Variants in DNAH12 observed in about 807,000 individuals in gnomAD.
DNAH12 encodes axonemal beta dynein heavy chain 12.
A neutral mutation model predicts 371.5 loss-of-function variants in DNAH12; 285 were observed. The ratio of observed to expected loss-of-function variants is 0.77; its 90% CI spans 0.70 to 0.85. The LOEUF is 0.85. DNAH12 is among the 40% of genes least tolerant of loss of function. The pLI, the probability that DNAH12 is intolerant of heterozygous loss-of-function variation, is 0.00. For missense variants in DNAH12, 3,611 were observed against 3,689.4 expected (o/e 0.98, Z 0.55); for synonymous variants, 1,200 against 1,213.0 (o/e 0.99, Z 0.22).
Position 57,389,842 on chromosome 3 carries a change from T to TATATATATATATATATATATATATATAAA in DNAH12, c.7305+2029_7305+2030insTTTATATATATATATATATATATATATAT, listed in dbSNP as rs2063578029. Among the ~76,000 whole-genome samples the TATATATATATATATATATATATATATAAA allele has an allele frequency of 4.0e-4, 28 of 70,490 alleles. 1 individual carries two copies. Among genetic ancestry groups the TATATATATATATATATATATATATATAAA allele is most frequent in the Middle Eastern group, 9.3e-3 (1 of 108 alleles). 46.2% of individuals were successfully genotyped at this position (70,490 alleles called of 152,430 possible). A position where few individuals can be genotyped will look rare whatever the true frequency, so the allele number is the denominator to read the frequency against. On this transcript the variant is annotated intron_variant, in intron 45 of 73. Transcript: ENST00000495027. ...TGTGTGTATATATATATATATATAA[T>TATATATATATATATATATATATATATAAA]ACTTTTTTTTTTGAAATGGAGTTTC...
intron 13 of DNAH12, among the ~76,000 whole-genome samples, chr3:57,476,119 A>G (rs2066514472): frequency 2.0e-5 from 3 of 152,344 alleles, no homozygotes; most frequent in East Asian, 3.9e-4. Context: ...GAACAATGAC[A>G]TTACTAACAT....
In DNAH12 at chr3:57,523,857, G is replaced by C. The variant is rs766507870; in HGVS notation, c.198C>G (p.Asp66Glu). 8.7e-6 allele frequency: 14 copies of C among 1,604,848 alleles called. No homozygotes were observed. In the Admixed American group the frequency reaches 1.5e-4, roughly 18 times the overall value. The change falls in exon 3 of 74, where the codon GAC becomes GAG. Residue 66 changes from aspartate (D) to glutamate (E), a missense_variant. Asp to Glu is a conservative substitution (Grantham distance 45). This residue lies in a region of DNAH12 where 1,314 missense variants were observed against 1,398.7 expected (regional missense o/e 0.94). Coordinates refer to ENST00000495027, the MANE Select transcript of DNAH12 (RefSeq NM_001366028.2). Reference protein sequence around the residue: ...LVIDGAKRNLDRTLGKRTPLL... With the variant: ...LVIDGAKRNLERTLGKRTPLL... ...GAGGTGTTCTTTTACCCAGTGTTCT[G>C]TCTAAATTTCTTTTGGCTCCATCAA...
intron 34 of DNAH12, 153 bp downstream of exon 34, chr3:57,428,480 A>G (rs765339743): frequency 1.1e-4 from 164 of 1,534,538 alleles, no homozygotes; most frequent in Non-Finnish European, 1.4e-4. Context: ...TTATGCAGCT[A>G]TAACTTAAGC....
intron 13 of DNAH12, 106 bp downstream of exon 13, chr3:57,483,270 C>T (rs2066812081): frequency 2.2e-6 from 3 of 1,379,446 alleles, no homozygotes; most frequent in Non-Finnish European, 2.9e-6. Context: ...AATATAACCG[C>T]TCAATTTACA....
chr3:57,486,465 A>G (rs1262707923), intron 12 of DNAH12, among the ~76,000 whole-genome samples: 1 of 152,026 alleles, frequency 6.6e-6, no homozygotes, highest in African/African-American at 2.4e-5. Context: ...CTATTACTAG[A>G]AATATCAGGA....
intron 66 of DNAH12, among the ~76,000 whole-genome samples, chr3:57,312,958 T>C (rs1404847665): frequency 6.6e-6 from 1 of 152,248 alleles, no homozygotes; most frequent in Non-Finnish European, 1.5e-5. Context: ...TATGATTAAA[T>C]GCTTATAGCC....
chr3:57,379,839 T>A (rs2063350304), intron 51 of DNAH12, among the ~76,000 whole-genome samples: 1 of 43,408 alleles, frequency 2.3e-5, no homozygotes, highest in African/African-American at 1.4e-4. Flanking sequence ...AGACTCTGTC[T>A]CCCAAAAAAA....
In DNAH12 at chr3:57,468,767, C is replaced by T. The variant is rs759741095; in HGVS notation, c.2318G>A (p.Ser773Asn). The change falls in exon 17 of 74, where the codon AGT (serine) becomes AAT (asparagine). Residue 773 changes from serine to asparagine, a missense_variant. By Grantham distance (46) the Ser-to-Asn change is conservative. Coordinates refer to ENST00000495027, the MANE Select transcript of DNAH12 (RefSeq NM_001366028.2). ...AGCTTTTATCTGTTCCATGACTGTA[C>T]TGCACATAGTAATAGTAGCATTGTC... Reference protein sequence around the residue: ...PKDNATITMCSTVMEQIKAFK... With the variant: ...PKDNATITMCNTVMEQIKAFK... 4.4e-5 allele frequency: 67 copies of T among 1,515,588 alleles called. 2 individuals are homozygous for T. In the South Asian group the frequency reaches 8.6e-4, roughly 20 times the overall value. The allele number at this position is 1,515,588 out of a possible 1,614,324, so 93.9% of individuals were successfully genotyped here. A position where few individuals can be genotyped will look rare whatever the true frequency, so the allele number is the denominator to read the frequency against.
chr3:57,454,842 A>C lies in DNAH12; in HGVS notation c.3389T>G (p.Val1130Gly), dbSNP rs2065858504. 6.4e-7 allele frequency: 1 copy of C among 1,551,230 alleles called. No individual in the cohort carries two copies. Among genetic ancestry groups the C allele is most frequent in the Admixed American group, 2.0e-5 (1 of 50,976 alleles). Residue 1130 changes from valine to glycine, a missense_variant, in exon 23 of 74, where the codon GTT (valine) becomes GGT (glycine). By Grantham distance (109) the Val-to-Gly change is moderately radical. Transcript: ENST00000495027. ...RDWVREWPGQ[V>G]VLCISQMFWT... Reference sequence around the variant, plus strand: ...GAACATTTGAGAAATACAAAGTACAACTTGGCCAGGCCACTCTCGAACCCA... The same window carrying C: ...GAACATTTGAGAAATACAAAGTACACCTTGGCCAGGCCACTCTCGAACCCA...
intron 4 of DNAH12, among the ~76,000 whole-genome samples, chr3:57,518,742 G>A (rs890825248): frequency 6.6e-6 from 1 of 152,152 alleles, no homozygotes; most frequent in African/African-American, 2.4e-5. Flanking sequence ...TGAGTAACCG[G>A]ATTGATGGTG....
At chr3:57,303,956 G>A (rs1315988420) in intron 69 of DNAH12, among the ~76,000 whole-genome samples, 1 of 152,104 alleles carries the variant, frequency 6.6e-6, no homozygotes, top group African/African-American at 2.4e-5. Flanking sequence ...CAAAAGAAGT[G>A]AAAATGGCTG....
chr3:57,385,648 A>G (rs1030838703), intron 47 of DNAH12, among the ~76,000 whole-genome samples: 3,605 of 152,308 alleles, frequency 0.024, 66 homozygotes, highest in Admixed American at 0.035. Flanking sequence ...TTGGGAGGTC[A>G]AGGCCGGTGG....
In DNAH12 at chr3:57,309,816, T is replaced by C; in HGVS notation, c.10935A>G (p.Leu3645=). The change falls in exon 68 of 74, where the codon TTA becomes TTG. Residue 3645 remains leucine, a synonymous_variant. Transcript: ENST00000495027. ...CCTTGGAGATGTCAACGTTTTCATGTAATCCAAATATCTCAGGGTGTTGAG... is the reference window on the plus strand; with the variant it reads ...CCTTGGAGATGTCAACGTTTTCATGCAATCCAAATATCTCAGGGTGTTGAG... ...PFTQHPEIFG[L]HENVDISKDL... 4 of 1,550,944 alleles carry C rather than the reference T, an allele frequency of 2.6e-6. No individual in the cohort carries two copies. Among genetic ancestry groups the C allele is most frequent in the Non-Finnish European group, 3.5e-6 (4 of 1,146,708 alleles).
chr3:57,547,346 C>G (rs1017962143), upstream of DNAH12, among the ~76,000 whole-genome samples: 1 of 150,858 alleles, frequency 6.6e-6, no homozygotes, highest in Non-Finnish European at 1.5e-5. Context: ...ATTATAGAGA[C>G]AAAGTCTCAC....
chr3:57,493,356 G>A lies in DNAH12; in HGVS notation c.1336-3669C>T, dbSNP rs574293718. On this transcript the variant is annotated intron_variant, in intron 11 of 73. Transcript: ENST00000495027. ...TTTATATAGCATTTATATTGCATTAGGTATTAGAAGTAATCTAGAGATAGT... is the reference window on the plus strand; with the variant it reads ...TTTATATAGCATTTATATTGCATTAAGTATTAGAAGTAATCTAGAGATAGT... 4.6e-5 allele frequency among the ~76,000 whole-genome samples: 7 copies of A among 152,172 alleles called. No individual in the cohort carries two copies. In the East Asian group the frequency reaches 1.3e-3, roughly 29 times the overall value.
chr3:57,539,242 T>C (rs1289381975), intron 2 of DNAH12, among the ~76,000 whole-genome samples: 1 of 152,246 alleles, frequency 6.6e-6, no homozygotes, highest in Non-Finnish European at 1.5e-5. Context: ...TGTCACTTCC[T>C]TGTTTGAAAC....
intron 50 of DNAH12, among the ~76,000 whole-genome samples, chr3:57,380,866 T>TTA (rs1376870724): frequency 0.2 from 29,880 of 152,118 alleles, 3,170 homozygotes; most frequent in African/African-American, 0.23. Flanking sequence ...GGAAATGCAT[T>TTA]TATAGACTGA....
intron 25 of DNAH12, among the ~76,000 whole-genome samples, chr3:57,451,355 G>C (rs1283200068): frequency 6.6e-6 from 1 of 152,198 alleles, no homozygotes; most frequent in Non-Finnish European, 1.5e-5. Context: ...TAACGGCCGG[G>C]CCCAGTGGCT....
intron 11 of DNAH12, among the ~76,000 whole-genome samples, chr3:57,496,125 T>C (rs537524825): frequency 2.6e-5 from 4 of 151,946 alleles, no homozygotes; most frequent in African/African-American, 9.6e-5. Flanking sequence ...AACCGAATCC[T>C]GTCAATGACC....
Sources: allele counts gnomAD v4.1 joint callset (sites outside exome capture counted in the v4.1 genomes callset), GRCh38; gene constraint gnomAD v4.1.1; regional missense constraint gnomAD v4.1.1; transcripts MANE v1.5; gene names NCBI Gene and HGNC (gene_info 2026-07-23, HGNC 2026-07-21).